Variants in CNOT1 observed in about 807,000 individuals in gnomAD.
The protein encoded by CNOT1 is CCR4-associated factor 1.
CNOT1 carries 15 observed loss-of-function variants against 273.8 expected under a neutral mutation model. The ratio of observed to expected loss-of-function variants is 0.05; its 90% CI spans 0.04 to 0.08. The LOEUF (loss-of-function observed/expected upper bound fraction) is 0.08, where lower values mean the gene tolerates loss of function less well. CNOT1 is among the 10% of genes least tolerant of loss of function. CNOT1 has a pLI of 1.00. For missense variants in CNOT1, 1,644 were observed against 2,912.2 expected (o/e 0.56, Z 10.02); for synonymous variants, 1,022 against 1,005.5 (o/e 1.02, Z -0.31).
chr16:58,628,126 T>C (rs2043662361), intron 1 of CNOT1, among the ~76,000 whole-genome samples: 2 of 152,258 alleles, frequency 1.3e-5, no homozygotes, highest in South Asian at 2.1e-4. Context: ...CCGCGCCCAG[T>C]CGATTCTAGA....
At position 58,586,629 on chromosome 16, in the gene CNOT1, G is replaced by C; in HGVS notation, c.553C>G (p.Leu185Val). ...TTCTGCCCAAAGAGGAGATGGGAGA[G>C]GAGGAGGTGTAGGACCTCTATTGCT... ...DIAIEVLHLL[L>V]SHLLFGQKGA... Residue 185 changes from leucine to valine, a missense_variant, in exon 7 of 49, where the codon CTC becomes GTC. Coordinates refer to ENST00000317147, the MANE Select transcript of CNOT1 (RefSeq NM_016284.5). 1.2e-6 allele frequency: 2 copies of C among 1,613,068 alleles called. No homozygotes were observed. Among genetic ancestry groups the C allele is most frequent in the South Asian group, 1.1e-5 (1 of 91,066 alleles).
intron 30 of CNOT1, among the ~76,000 whole-genome samples, 191 bp from the exon 31 acceptor site, chr16:58,544,094 T>C (rs1448687270): frequency 6.6e-6 from 1 of 152,220 alleles, no homozygotes; most frequent in Admixed American, 6.5e-5. Context: ...CAGTATACCC[T>C]GTGATACACA....
rs190260153 is a variant in CNOT1 at position 58,594,034 on chromosome 16, C to T, written c.103-5128G>A. Among the ~76,000 whole-genome samples, 470 of 152,212 alleles carry T rather than the reference C, an allele frequency of 3.1e-3. 2 individuals are homozygous for T. Among genetic ancestry groups the T allele is most frequent in the African/African-American group, 0.011 (446 of 41,536 alleles). On this transcript the variant is annotated intron_variant, in intron 2 of 48. Coordinates refer to ENST00000317147, the MANE Select transcript of CNOT1 (RefSeq NM_016284.5). ...CCAAGGCGGGCAGATCACCTGAGGTCGGGAGTTCAAAACCAGCCTGACCAA... is the reference window on the plus strand; with the variant it reads ...CCAAGGCGGGCAGATCACCTGAGGTTGGGAGTTCAAAACCAGCCTGACCAA...
intron 16 of CNOT1, among the ~76,000 whole-genome samples, chr16:58,572,329 T>C (rs1028637576): frequency 6.6e-6 from 1 of 151,644 alleles, no homozygotes; most frequent in African/African-American, 2.4e-5. Flanking sequence ...CTTTCAATAA[T>C]AGATAGATCT....
intron 2 of CNOT1, among the ~76,000 whole-genome samples, chr16:58,596,636 C>T (rs948212526): frequency 6.6e-5 from 10 of 151,840 alleles, no homozygotes; most frequent in African/African-American, 2.2e-4. Flanking sequence ...GCCTGTAATC[C>T]CAGCACTTTG....
intron 16 of CNOT1, among the ~76,000 whole-genome samples, chr16:58,568,606 G>A (rs1054793618): frequency 5.3e-5 from 8 of 152,020 alleles, no homozygotes; most frequent in African/African-American, 1.7e-4. Context: ...CTTGAACCCC[G>A]GAGGTGGAGG....
chr16:58,568,136 G>A (rs932750372), intron 16 of CNOT1, among the ~76,000 whole-genome samples: 10 of 152,202 alleles, frequency 6.6e-5, no homozygotes, highest in Non-Finnish European at 1.5e-4. Flanking sequence ...ACTTTGGGAG[G>A]CGGGCGAATC....
intron 1 of CNOT1, among the ~76,000 whole-genome samples, chr16:58,612,937 T>A (rs1306113232): frequency 6.6e-6 from 1 of 152,166 alleles, no homozygotes; most frequent in Non-Finnish European, 1.5e-5. Context: ...TCTTTAATCC[T>A]CACAACTCAA....
At chr16:58,598,476 C>T (rs188360203) in intron 2 of CNOT1, among the ~76,000 whole-genome samples, 24 of 148,146 alleles carry the variant, frequency 1.6e-4, no homozygotes, top group Admixed American at 4.7e-4. Flanking sequence ...GGCTGAGGCA[C>T]GAGAATCACT....
intron 25 of CNOT1, among the ~76,000 whole-genome samples, chr16:58,549,382 AAAAAG>A (rs2040380587): frequency 6.6e-6 from 1 of 152,130 alleles, no homozygotes; most frequent in South Asian, 2.1e-4. Flanking sequence ...TAAGTGAAAA[AAAAAG>A]AAAAGGATGT....
intron 1 of CNOT1, among the ~76,000 whole-genome samples, chr16:58,603,126 A>C (rs967631467): frequency 6.6e-6 from 1 of 152,236 alleles, no homozygotes; most frequent in Non-Finnish European, 1.5e-5. Flanking sequence ...GGATCATCAT[A>C]TCTCTCACCT....
intron 8 of CNOT1, 118 bp downstream of exon 8, chr16:58,585,220 G>T: frequency 7.1e-7 from 1 of 1,417,732 alleles, no homozygotes; most frequent in Non-Finnish European, 9.7e-7. Flanking sequence ...AAATTTAGAA[G>T]CATGCCTCTT....
intron 16 of CNOT1, among the ~76,000 whole-genome samples, chr16:58,573,293 T>G (rs1336854544): frequency 6.9e-6 from 1 of 145,406 alleles, no homozygotes; most frequent in African/African-American, 2.5e-5. Context: ...GCAACAAGAG[T>G]GAAACTCCAT....
chr16:58,542,857 AAGGC>A (rs2040137302), intron 31 of CNOT1, among the ~76,000 whole-genome samples: 1 of 152,186 alleles, frequency 6.6e-6, no homozygotes, highest in Middle Eastern at 3.2e-3. Flanking sequence ...TTGGGAGGCC[AAGGC>A]AGGTAGATCA....
chr16:58,529,840 C>CAAAAAAAAAA, intron 43 of CNOT1, among the ~76,000 whole-genome samples: 1 of 69,368 alleles, frequency 1.4e-5, no homozygotes. Flanking sequence ...GACTCTGTCT[C>CAAAAAAAAAA]AAAAAAAAAA....
chr16:58,619,894 C>G (rs9940386), intron 1 of CNOT1, among the ~76,000 whole-genome samples: 55,093 of 151,862 alleles, frequency 0.36, 11,009 homozygotes, highest in Non-Finnish European at 0.45. Flanking sequence ...AAGAAATTGC[C>G]AAGATGTAAA....
At chr16:58,607,924 C>T (rs1243338002) in intron 1 of CNOT1, among the ~76,000 whole-genome samples, 1 of 151,686 alleles carries the variant, frequency 6.6e-6, no homozygotes, top group African/African-American at 2.4e-5. Context: ...GTAAACCCAG[C>T]ACTTTGGGAG....
chr16:58,525,344 C>G lies in CNOT1; in HGVS notation c.6619G>C (p.Gly2207Arg). Residue 2207 changes from glycine (G) to arginine (R), a missense_variant, in exon 46 of 49, where the codon GGG becomes CGG. Gly to Arg is a moderately radical substitution (Grantham distance 125). Coordinates refer to ENST00000317147, the MANE Select transcript of CNOT1 (RefSeq NM_016284.5). ...RSNLQVSNEP[G>R]NRYNLQLINA... Reference sequence around the variant, plus strand: ...ATGAGCTGGAGGTTGTAGCGATTCCCAGGTTCATTGGATACCTTAAAATGA... The same window carrying G: ...ATGAGCTGGAGGTTGTAGCGATTCCGAGGTTCATTGGATACCTTAAAATGA... 1.2e-6 allele frequency: 2 copies of G among 1,613,360 alleles called. No homozygotes were observed. Among genetic ancestry groups the G allele is most frequent in the Non-Finnish European group, 1.7e-6 (2 of 1,180,020 alleles).
At chr16:58,603,860 T>A (rs2042569006) in intron 1 of CNOT1, among the ~76,000 whole-genome samples, 1 of 152,150 alleles carries the variant, frequency 6.6e-6, no homozygotes, top group Non-Finnish European at 1.5e-5. Flanking sequence ...CCACATCATA[T>A]AAACTAACAC....
Sources: allele counts gnomAD v4.1 joint callset (sites outside exome capture counted in the v4.1 genomes callset), GRCh38; gene constraint gnomAD v4.1.1; transcripts MANE v1.5; gene names NCBI Gene and HGNC (gene_info 2026-07-23, HGNC 2026-07-21).